KCNQ3: variants seen among roughly 807,000 people sequenced by gnomAD.
KCNQ3 encodes the protein potassium voltage-gated channel subfamily KQT member 3.
Under a neutral mutation model 92.5 loss-of-function variants are expected in KCNQ3, and 30 were observed. That is an observed-to-expected ratio of 0.32 (90% confidence interval 0.24 to 0.44). The LOEUF (loss-of-function observed/expected upper bound fraction) is 0.44. Among genes scored for constraint, KCNQ3 ranks in the 20% least tolerant of loss-of-function variants. The pLI, the probability that KCNQ3 is intolerant of heterozygous loss-of-function variation, is 1.00. For missense variants in KCNQ3, 913 were observed against 1,140.3 expected (o/e 0.80, Z 2.87); for synonymous variants, 450 against 468.8 (o/e 0.96, Z 0.52).
At chr8:132,413,857 C>T (rs759571466) in intron 1 of KCNQ3, among the ~76,000 whole-genome samples, 13 of 152,202 alleles carry the variant, frequency 8.5e-5, no homozygotes, top group South Asian at 2.1e-4. Flanking sequence ...TGCAGGAGCA[C>T]GTGACTGGGG....
chr8:132,145,520 C>T (rs1021009201), intron 9 of KCNQ3, among the ~76,000 whole-genome samples: 1 of 152,132 alleles, frequency 6.6e-6, no homozygotes, highest in Non-Finnish European at 1.5e-5. Context: ...ATTCATTCAA[C>T]AAAAATGTGT....
intron 1 of KCNQ3, among the ~76,000 whole-genome samples, chr8:132,309,916 G>T (rs951990364): frequency 1.3e-5 from 2 of 152,146 alleles, no homozygotes; most frequent in Non-Finnish European, 2.9e-5. Context: ...CACCATCTTT[G>T]CTTTGTTTAG....
chr8:132,139,205 G>A (rs1322572599), intron 11 of KCNQ3, among the ~76,000 whole-genome samples: 1 of 152,190 alleles, frequency 6.6e-6, no homozygotes, highest in Non-Finnish European at 1.5e-5. Context: ...AGAAGAAGAC[G>A]GCAGAGACTA....
rs138112260 is a variant in KCNQ3, at chr8:132,416,637, A to C, written c.386+63510T>G. Among the ~76,000 whole-genome samples, 1,406 of 152,246 alleles carry C rather than the reference A, an allele frequency of 9.2e-3. 24 individuals are homozygous for C. Among genetic ancestry groups the C allele is most frequent in the African/African-American group, 0.027 (1,138 of 41,548 alleles). ...ACTCCATCTCAAACAAACAAACAAAAAAAATTCATACATTTACTCAAGAGG... is the reference window on the plus strand; with the variant it reads ...ACTCCATCTCAAACAAACAAACAAACAAAATTCATACATTTACTCAAGAGG... On this transcript the variant is annotated intron_variant, in intron 1 of 14. Transcript: ENST00000388996.
intron 1 of KCNQ3, among the ~76,000 whole-genome samples, chr8:132,423,171 T>C (rs1037174193): frequency 2.0e-5 from 3 of 152,016 alleles, no homozygotes; most frequent in African/African-American, 7.3e-5. Flanking sequence ...GAGAGGAGGG[T>C]AACACAGTGT....
At chr8:132,379,512 C>T (rs540485549) in intron 1 of KCNQ3, among the ~76,000 whole-genome samples, 3 of 152,156 alleles carry the variant, frequency 2.0e-5, no homozygotes, top group African/African-American at 7.2e-5. Flanking sequence ...GCTACCCTCC[C>T]ACTGATGCCC....
chr8:132,181,398 A>AT (rs1050003381), intron 3 of KCNQ3, among the ~76,000 whole-genome samples: 1 of 152,148 alleles, frequency 6.6e-6, no homozygotes, highest in African/African-American at 2.4e-5. Context: ...AGTGTCACTA[A>AT]TTTTTTTATT....
At chr8:132,192,840 T>C (rs1161123243) in intron 1 of KCNQ3, among the ~76,000 whole-genome samples, 1 of 152,162 alleles carries the variant, frequency 6.6e-6, no homozygotes. Context: ...TAAAACGAGA[T>C]TTCACCATTT....
chr8:132,294,157 C>A (rs954757051), intron 1 of KCNQ3, among the ~76,000 whole-genome samples: 1 of 152,082 alleles, frequency 6.6e-6, no homozygotes, highest in African/African-American at 2.4e-5. Flanking sequence ...CCCACAACCA[C>A]ACCCGGCTAA....
At chr8:132,209,544 AACAC>A (rs35210912) in intron 1 of KCNQ3, among the ~76,000 whole-genome samples, 12 of 135,376 alleles carry the variant, frequency 8.9e-5, no homozygotes, top group Admixed American at 8.3e-4. Context: ...CACACACACA[AACAC>A]ACACACACAC....
chr8:132,204,841 A>G (rs1813606197), intron 1 of KCNQ3, among the ~76,000 whole-genome samples: 1 of 152,212 alleles, frequency 6.6e-6, no homozygotes, highest in South Asian at 2.1e-4. Flanking sequence ...AAAAGCCAGC[A>G]TCAGTAAAAG....
At chr8:132,284,012 CCAGATGAGGAACCATACAT>C (rs1296215153) in intron 1 of KCNQ3, among the ~76,000 whole-genome samples, 1 of 152,118 alleles carries the variant, frequency 6.6e-6, no homozygotes, top group Non-Finnish European at 1.5e-5. Flanking sequence ...AAGGCTAGAG[CCAGATGAGGAACCATACAT>C]CAAACAAGGG....
At chr8:132,387,914 C>A (rs1307794914) in intron 1 of KCNQ3, among the ~76,000 whole-genome samples, 1 of 150,788 alleles carries the variant, frequency 6.6e-6, no homozygotes, top group African/African-American at 2.4e-5. Context: ...TCACTATACT[C>A]CAGCCTGGGC....
At chr8:132,164,827 T>C (rs1826095245) in intron 8 of KCNQ3, among the ~76,000 whole-genome samples, 1 of 152,140 alleles carries the variant, frequency 6.6e-6, no homozygotes, top group Non-Finnish European at 1.5e-5. Context: ...TGCTTCCTCT[T>C]CTACCATCAG....
intron 1 of KCNQ3, among the ~76,000 whole-genome samples, chr8:132,459,858 CAGG>C (rs1444848579): frequency 6.6e-6 from 1 of 151,778 alleles, no homozygotes; most frequent in Non-Finnish European, 1.5e-5. Context: ...ATTATTCTTA[CAGG>C]AGATTTCTCT....
chr8:132,133,878 T>G (rs1295584219), intron 13 of KCNQ3, among the ~76,000 whole-genome samples: 2 of 152,218 alleles, frequency 1.3e-5, no homozygotes, highest in Non-Finnish European at 2.9e-5. Flanking sequence ...GGGGCTGATA[T>G]CTGAGTGTCT....
At chr8:132,224,999 T>C (rs947960747) in intron 1 of KCNQ3, among the ~76,000 whole-genome samples, 14 of 152,182 alleles carry the variant, frequency 9.2e-5, no homozygotes, top group African/African-American at 3.1e-4. Flanking sequence ...GTGCTTACAA[T>C]TGACAGAATG....
intron 9 of KCNQ3, among the ~76,000 whole-genome samples, chr8:132,146,089 G>T (rs943855855): frequency 6.6e-6 from 1 of 152,252 alleles, no homozygotes; most frequent in African/African-American, 2.4e-5. Flanking sequence ...AACAGAAATA[G>T]AAAATAGGAG....
rs1362389267 is a variant in KCNQ3 at position 132,168,715 on chromosome 8, ATATGTGTG to A, written c.1235+1611_1235+1618del. Among the ~76,000 whole-genome samples, 547 of 134,504 alleles carry A rather than the reference ATATGTGTG, an allele frequency of 4.1e-3. 14 individuals carry two copies. Among genetic ancestry groups the A allele is most frequent in the African/African-American group, 0.015 (519 of 35,240 alleles). 88.2% of individuals were successfully genotyped at this position (134,504 alleles called of 152,430 possible). On this transcript the variant is annotated intron_variant, in intron 8 of 14. Coordinates refer to ENST00000388996, the MANE Select transcript of KCNQ3 (RefSeq NM_004519.4). ...TAGAAAGAGAAATTGAGGATAATGA[ATATGTGTG>A]TGTGTGTGTGTGTGTGTGTGTGTGT...
Sources: allele counts gnomAD v4.1 joint callset (sites outside exome capture counted in the v4.1 genomes callset), GRCh38; gene constraint gnomAD v4.1.1; transcripts MANE v1.5; gene names NCBI Gene and HGNC (gene_info 2026-07-23, HGNC 2026-07-21).